Variants in CSMD3 observed in about 807,000 individuals in gnomAD.
CSMD3 encodes the protein CUB and Sushi multiple domains 3.
In CSMD3, 177 loss-of-function variants were observed where a neutral mutation model predicts 435.2. That is an observed-to-expected ratio of 0.41 (90% CI 0.36 to 0.46). CSMD3 has a LOEUF of 0.46. CSMD3 is among the 20% of genes least tolerant of loss of function. The pLI is 0.34. For missense variants in CSMD3, 4,265 were observed against 4,504.6 expected (o/e 0.95, Z 1.52); for synonymous variants, 1,656 against 1,520.5 (o/e 1.09, Z -2.07).
chr8:112,653,604 G>T (rs1196707810), intron 18 of CSMD3, among the ~76,000 whole-genome samples: 1 of 150,702 alleles, frequency 6.6e-6, no homozygotes, highest in East Asian at 1.9e-4. Context: ...TATTCCTAAA[G>T]TCTACTCTAT....
chr8:113,000,816 A>C (rs1369163038), intron 6 of CSMD3, among the ~76,000 whole-genome samples: 2 of 151,948 alleles, frequency 1.3e-5, no homozygotes, highest in African/African-American at 4.8e-5. Flanking sequence ...ACTTCTCATA[A>C]ACTTCAGACA....
At chr8:113,006,373 G>A (rs972150) in intron 6 of CSMD3, among the ~76,000 whole-genome samples, 91,111 of 151,796 alleles carry the variant, frequency 0.6, 28,759 homozygotes, top group East Asian at 0.95. Flanking sequence ...GAAATATTTC[G>A]TTTCAGAGAG....
chr8:113,354,811 T>C (rs933150710), intron 1 of CSMD3, among the ~76,000 whole-genome samples: 6 of 151,982 alleles, frequency 3.9e-5, no homozygotes, highest in African/African-American at 1.4e-4. Flanking sequence ...GACTATTTTT[T>C]TTTTCTTTGT....
intron 32 of CSMD3, among the ~76,000 whole-genome samples, chr8:112,410,606 A>ATATATATATGTATATATATGTG (rs1563912832): frequency 1.9e-5 from 1 of 53,086 alleles, no homozygotes; most frequent in Non-Finnish European, 3.7e-5. Flanking sequence ...ATATATGTGT[A>ATATATATATGTATATATATGTG]TATATATATG....
At chr8:112,680,928 A>G (rs1166449022) in intron 16 of CSMD3, among the ~76,000 whole-genome samples, 7 of 152,164 alleles carry the variant, frequency 4.6e-5, no homozygotes, top group Non-Finnish European at 1.5e-5. Flanking sequence ...TAAGAAAAAG[A>G]AACTGCTTTT....
intron 23 of CSMD3, 118 bp downstream of exon 23, chr8:112,586,948 C>A: frequency 5.3e-6 from 3 of 571,002 alleles, no homozygotes; most frequent in Non-Finnish European, 6.0e-6. Flanking sequence ...ATGGTAGAAT[C>A]AACTTACGGT....
chr8:112,568,201 G>T (rs1024715424), intron 24 of CSMD3, among the ~76,000 whole-genome samples: 3 of 152,160 alleles, frequency 2.0e-5, no homozygotes, highest in Non-Finnish European at 4.4e-5. Context: ...AGTTGACTGA[G>T]AAATTTATTT....
At chr8:112,585,546 T>C (rs752864381) in intron 23 of CSMD3, among the ~76,000 whole-genome samples, 1 of 151,642 alleles carries the variant, frequency 6.6e-6, no homozygotes, top group African/African-American at 2.4e-5. Context: ...TAAGACCTTT[T>C]AGAAAGTTTT....
intron 30 of CSMD3, among the ~76,000 whole-genome samples, chr8:112,493,899 T>C (rs975094117): frequency 1.3e-5 from 2 of 152,110 alleles, no homozygotes; most frequent in Admixed American, 1.3e-4. Flanking sequence ...ATAACAAATG[T>C]AGTGATTTTC....
chr8:112,364,907 G>T (rs561594425), intron 38 of CSMD3, among the ~76,000 whole-genome samples: 1 of 152,038 alleles, frequency 6.6e-6, no homozygotes, highest in African/African-American at 2.4e-5. Context: ...TCAGGAAAAA[G>T]AAAACTTGAA....
chr8:112,296,209 C>A (rs923877906), intron 53 of CSMD3, among the ~76,000 whole-genome samples: 3 of 152,042 alleles, frequency 2.0e-5, no homozygotes, highest in Non-Finnish European at 4.4e-5. Context: ...AGACACGTGT[C>A]TAGTGACACT....
chr8:112,297,167 A>T (rs1211437607), intron 53 of CSMD3, among the ~76,000 whole-genome samples: 1 of 151,006 alleles, frequency 6.6e-6, no homozygotes, highest in African/African-American at 2.4e-5. Context: ...ATTCTTATGC[A>T]AACTCTTTTA....
At chr8:112,373,491 C>T (rs1398221467) in intron 38 of CSMD3, among the ~76,000 whole-genome samples, 1 of 151,846 alleles carries the variant, frequency 6.6e-6, no homozygotes, top group Non-Finnish European at 1.5e-5. Flanking sequence ...TTGCTTATCT[C>T]AAGTACCTAA....
intron 12 of CSMD3, among the ~76,000 whole-genome samples, chr8:112,814,344 C>T (rs183710409): frequency 6.6e-6 from 1 of 152,148 alleles, no homozygotes; most frequent in African/African-American, 2.4e-5. Context: ...TGCTTACATT[C>T]CTGGTCTTCT....
chr8:112,841,911 C>T (rs942512293), intron 11 of CSMD3, among the ~76,000 whole-genome samples: 2 of 151,770 alleles, frequency 1.3e-5, no homozygotes, highest in African/African-American at 2.4e-5. Context: ...ATATGTAATA[C>T]TGAGCAAAGG....
chr8:112,512,886 T>A (rs536541603), intron 28 of CSMD3, among the ~76,000 whole-genome samples: 1 of 152,354 alleles, frequency 6.6e-6, no homozygotes, highest in East Asian at 1.9e-4. Context: ...TCTCCTTCAG[T>A]ACCTACATAT....
chr8:113,340,309 C>T (rs2094109487), intron 1 of CSMD3, among the ~76,000 whole-genome samples: 1 of 152,106 alleles, frequency 6.6e-6, no homozygotes, highest in Non-Finnish European at 1.5e-5. Flanking sequence ...TTTAACTCCA[C>T]ATCATCAGTT....
chr8:112,834,886 C>T lies in CSMD3; in HGVS notation c.1756-5097G>A, dbSNP rs1032729708. 1.4e-4 allele frequency among the ~76,000 whole-genome samples: 21 copies of T among 151,660 alleles called. 1 individual carries two copies. Among genetic ancestry groups the T allele is most frequent in the African/African-American group, 4.8e-4 (20 of 41,394 alleles). ...CATTTGTGGAGTAAATAAACAAAAA[C>T]ATAAATTGCATTTAGCACATAGGAC... is the stretch of plus-strand genomic sequence containing the variant. On this transcript the variant is annotated intron_variant, in intron 11 of 70. Coordinates refer to ENST00000297405, the MANE Select transcript of CSMD3 (RefSeq NM_198123.2).
intron 13 of CSMD3, among the ~76,000 whole-genome samples, chr8:112,790,593 G>C (rs1263583439): frequency 6.6e-6 from 1 of 151,940 alleles, no homozygotes; most frequent in Non-Finnish European, 1.5e-5. Context: ...TTTGGTGCTT[G>C]GATATAAATT....
Sources: gnomAD v4.1 joint callset for allele counts (sites outside exome capture counted in the v4.1 genomes callset) on GRCh38, gnomAD v4.1.1 for gene constraint, MANE v1.5 for transcripts, NCBI Gene and HGNC (gene_info 2026-07-23, HGNC 2026-07-21) for gene names.